Variants in ADRA1A observed in about 807,000 individuals in gnomAD.
The protein encoded by ADRA1A is adrenoceptor alpha 1A.
ADRA1A carries 31 observed loss-of-function variants against 29.6 expected under a neutral mutation model. The observed-to-expected ratio is 1.05, with a 90% CI of 0.79 to 1.41. The LOEUF is 1.41. Ranked by LOEUF, ADRA1A falls within the 40% of genes most tolerant of loss-of-function variation. The pLI is 0.00. For synonymous variants in ADRA1A, 311 were observed against 254.3 expected (o/e 1.22, Z -2.12); for missense variants, 619 against 601.1 (o/e 1.03, Z -0.31).
intron 2 of ADRA1A, among the ~76,000 whole-genome samples, chr8:26,845,329 T>A (rs1397134421): frequency 1.3e-5 from 2 of 152,166 alleles, no homozygotes; most frequent in African/African-American, 4.8e-5. Context: ...CAAACATGCA[T>A]ATGAAAAGAC....
intron 2 of ADRA1A, among the ~76,000 whole-genome samples, chr8:26,789,646 GC>G (rs1807668132): frequency 6.6e-6 from 1 of 152,014 alleles, no homozygotes; most frequent in Non-Finnish European, 1.5e-5. Flanking sequence ...GGAAACAAAA[GC>G]AAAAATAGAC....
chr8:26,786,191 C>G (rs1469165045), intron 2 of ADRA1A, among the ~76,000 whole-genome samples: 1 of 152,112 alleles, frequency 6.6e-6, no homozygotes, highest in Non-Finnish European at 1.5e-5. Context: ...ACTCTCTTCC[C>G]TATCCCCTGC....
chr8:26,850,493 T>A (rs1038868946), intron 2 of ADRA1A, among the ~76,000 whole-genome samples: 1 of 151,726 alleles, frequency 6.6e-6, no homozygotes, highest in Admixed American at 6.5e-5. Context: ...TTTGCTTATA[T>A]CTTTTTTGTT....
chr8:26,851,609 A>G (rs1812635779), intron 2 of ADRA1A, among the ~76,000 whole-genome samples: 1 of 152,208 alleles, frequency 6.6e-6, no homozygotes, highest in South Asian at 2.1e-4. Context: ...ACAAATGTGA[A>G]TAAAAATAGA....
rs545342872 is a variant in ADRA1A at position 26,785,927 on chromosome 8, C to G, written c.884-15261G>C. Among the ~76,000 whole-genome samples the G allele has an allele frequency of 2.0e-5, 3 of 152,296 alleles. No individual in the cohort carries two copies. The South Asian group carries it at 6.2e-4, about 32-fold the overall frequency. The stretch of plus-strand genomic sequence containing the variant: ...ATTGCCCCAGTCTTTCCACGTCTCT[C>G]CATCTCCATTGTCAGGCCCTACTCA... On this transcript the variant is annotated intron_variant, in intron 2 of 2. Transcript: ENST00000380573.
chr8:26,847,031 G>T (rs758599143), intron 2 of ADRA1A, among the ~76,000 whole-genome samples: 4 of 152,042 alleles, frequency 2.6e-5, no homozygotes, highest in Non-Finnish European at 5.9e-5. Flanking sequence ...AGAACACATG[G>T]ACACAGGAAG....
chr8:26,804,285 A>T (rs1312507259), intron 2 of ADRA1A, among the ~76,000 whole-genome samples: 1 of 152,096 alleles, frequency 6.6e-6, no homozygotes, highest in Non-Finnish European at 1.5e-5. Flanking sequence ...GGAGACATGA[A>T]AACACATCCA....
chr8:26,838,110 G>A (rs1463776055), intron 2 of ADRA1A, among the ~76,000 whole-genome samples: 1 of 152,158 alleles, frequency 6.6e-6, no homozygotes, highest in Non-Finnish European at 1.5e-5. Flanking sequence ...CAGGACAGGC[G>A]TTTAATGATA....
At position 26,857,290 on chromosome 8, in the gene ADRA1A, T is replaced by C. The variant is rs146649969; in HGVS notation, c.883+6797A>G. Among the ~76,000 whole-genome samples the C allele has an allele frequency of 6.2e-3, 948 of 152,214 alleles. 6 individuals carry two copies. Among genetic ancestry groups the C allele is most frequent in the Non-Finnish European group, 0.01 (709 of 68,004 alleles). On this transcript the variant is annotated intron_variant, in intron 2 of 2. Transcript: ENST00000380573. Reference sequence around the variant, plus strand: ...CTTTTGACCATAGAATCATGAGACATAGATGGCTGCTGCTTTAAGCCACTA... The same window carrying C: ...CTTTTGACCATAGAATCATGAGACACAGATGGCTGCTGCTTTAAGCCACTA...
rs1194409121 is a variant in ADRA1A at position 26,806,054 on chromosome 8, C to T, written c.884-35388G>A. On this transcript the variant is annotated intron_variant, in intron 2 of 2. Coordinates refer to ENST00000380573, the MANE Select transcript of ADRA1A (RefSeq NM_000680.4). This position sits in a 1 kb window ranked among gnomAD's most constrained non-coding sequence, Gnocchi z 4.6. ...CTTGTGGCAGCCGCCAATGTGCTTG[C>T]TCTTCCTATTTTATCCTTCCAGGCA... 6.6e-6 allele frequency among the ~76,000 whole-genome samples: 1 copy of T among 152,212 alleles called. No individual in the cohort carries two copies. The highest frequency in any genetic ancestry group is 1.9e-4 in the East Asian group (1 of 5,186).
intron 2 of ADRA1A, among the ~76,000 whole-genome samples, chr8:26,776,119 A>G (rs1265766154): frequency 6.6e-6 from 1 of 151,984 alleles, no homozygotes; most frequent in East Asian, 1.9e-4. Context: ...AGATAAAACC[A>G]TTTTTTCCTG....
chr8:26,856,421 T>A (rs1813050853), intron 2 of ADRA1A, among the ~76,000 whole-genome samples: 1 of 152,228 alleles, frequency 6.6e-6, no homozygotes, highest in Non-Finnish European at 1.5e-5. Context: ...TTCCTGCTCA[T>A]CTTTGGATAA....
At chr8:26,788,284 T>C (rs1807551835) in intron 2 of ADRA1A, among the ~76,000 whole-genome samples, 1 of 152,178 alleles carries the variant, frequency 6.6e-6, no homozygotes, top group Non-Finnish European at 1.5e-5. Context: ...AAGTCTACTC[T>C]AGAGCTGAGG....
At chr8:26,766,288 C>G (rs1316478328), downstream of ADRA1A, 1 of 670,124 alleles carries the variant, frequency 1.5e-6, no homozygotes, top group Non-Finnish European at 2.7e-6. Flanking sequence ...AACTTCAATA[C>G]AACACCCGAT....
Position 26,812,967 on chromosome 8 carries a change from G to C in ADRA1A, c.884-42301C>G, listed in dbSNP as rs79095692. Among the ~76,000 whole-genome samples, 17 of 148,932 alleles carry C rather than the reference G, an allele frequency of 1.1e-4. No individual in the cohort carries two copies. In the East Asian group the frequency reaches 1.2e-3, roughly 10 times the overall value. On this transcript the variant is annotated intron_variant, in intron 2 of 2. Coordinates refer to ENST00000380573, the MANE Select transcript of ADRA1A (RefSeq NM_000680.4). ...AGGCTTGAGCTACCACGCCCGGCCT[G>C]CCTTTTTATAATACATTTAATTTTT...
chr8:26,861,554 A>G (rs962174850), intron 2 of ADRA1A, among the ~76,000 whole-genome samples: 4 of 152,052 alleles, frequency 2.6e-5, no homozygotes, highest in African/African-American at 4.8e-5. Context: ...TTATATCTGT[A>G]GCCCGCCTCC....
rs549345759 is a variant in ADRA1A at position 26,866,278 on chromosome 8, A to G, written c.-686-623T>C. ...GCGAAGCCGGGAGGGACCCGAAGAC[A>G]GAAAGCGACCCAGGTCTGTCCACGA... On this transcript the variant is annotated intron_variant, in intron 1 of 2. Coordinates refer to ENST00000380573, the MANE Select transcript of ADRA1A (RefSeq NM_000680.4). This position sits in a 1 kb window ranked among gnomAD's most constrained non-coding sequence, Gnocchi z 5.7. Among the ~76,000 whole-genome samples, 30 of 152,310 alleles carry G rather than the reference A, an allele frequency of 2.0e-4. No individual in the cohort carries two copies. Among genetic ancestry groups the G allele is most frequent in the African/African-American group, 7.2e-4 (30 of 41,584 alleles).
downstream of ADRA1A, among the ~76,000 whole-genome samples, chr8:26,755,537 G>A (rs560475098): frequency 6.6e-6 from 1 of 152,302 alleles, no homozygotes; most frequent in South Asian, 2.1e-4. Flanking sequence ...GCACACGCCT[G>A]AGGTTCACCA....
At chr8:26,859,534 T>C (rs911654254) in intron 2 of ADRA1A, among the ~76,000 whole-genome samples, 1 of 152,226 alleles carries the variant, frequency 6.6e-6, no homozygotes, top group Non-Finnish European at 1.5e-5. Context: ...TTAACTAGAC[T>C]GTGAGGCCCT....
Sources: allele counts gnomAD v4.1 joint callset (sites outside exome capture counted in the v4.1 genomes callset), GRCh38; gene constraint gnomAD v4.1.1; non-coding constraint Gnocchi (gnomAD v3.1); transcripts MANE v1.5; gene names NCBI Gene and HGNC (gene_info 2026-07-23, HGNC 2026-07-21).